The following SLCO1C1 variants were observed in gnomAD, a reference collection of about 807,000 sequenced individuals.
The protein encoded by SLCO1C1 is solute carrier organic anion transporter family member 1C1, also known as OAT-RP-5.
SLCO1C1 carries 70 observed loss-of-function variants against 76.4 expected under a neutral mutation model. The observed-to-expected ratio is 0.92, with a 90% confidence interval of 0.76 to 1.12. The LOEUF (loss-of-function observed/expected upper bound fraction) is 1.12, where lower values mean the gene tolerates loss of function less well. SLCO1C1 is among the 50% of genes most tolerant of loss of function. The pLI, the probability that SLCO1C1 is intolerant of heterozygous loss-of-function variation, is 0.00. For missense variants in SLCO1C1, 912 were observed against 823.8 expected, an observed-to-expected ratio of 1.11 and a Z score of -1.31; for synonymous variants, 306 against 286.1, an observed-to-expected ratio of 1.07 and a Z score of -0.70.
intron 3 of SLCO1C1, among the ~76,000 whole-genome samples, chr12:20,704,176 T>C (rs1946667940): frequency 6.6e-6 from 1 of 151,548 alleles, no homozygotes. Context: ...ATGTATCTCC[T>C]GACAACTCAG....
intron 7 of SLCO1C1, among the ~76,000 whole-genome samples, chr12:20,718,389 G>T (rs1158550940): frequency 2.0e-5 from 3 of 152,056 alleles, no homozygotes; most frequent in African/African-American, 7.2e-5. Flanking sequence ...ACACCCACTT[G>T]GTTTGATTCA....
intron 10 of SLCO1C1, among the ~76,000 whole-genome samples, chr12:20,736,276 T>C (rs1239590106): frequency 7.7e-6 from 1 of 130,676 alleles, no homozygotes. Context: ...CAAAAAAAAA[T>C]GAAGGAGAAA....
Position 20,723,120 on chromosome 12 carries a change from G to C in SLCO1C1, c.1052G>C (p.Gly351Ala), listed in dbSNP as rs199739451. 1.2e-6 allele frequency: 2 copies of C among 1,601,820 alleles called. No homozygotes were observed. Among genetic ancestry groups the C allele is most frequent in the Non-Finnish European group, 1.7e-6 (2 of 1,176,508 alleles). Residue 351 changes from glycine (G) to alanine (A), a missense_variant, in exon 9 of 15, where the codon GGA becomes GCA. Physicochemically the swap from Gly to Ala is moderately conservative, Grantham distance 60. Transcript: ENST00000266509. ...CTTCCATCACTGAAGAATCTTTTTG[G>C]AAACCCAGTATACTTCCTATATTTA... is the stretch of plus-strand genomic sequence containing the variant. ...DFLPSLKNLFGNPVYFLYLCT... is the reference protein window; with the variant it reads ...DFLPSLKNLFANPVYFLYLCT...
intron 9 of SLCO1C1, among the ~76,000 whole-genome samples, chr12:20,731,597 G>A (rs943575458): frequency 2.0e-5 from 3 of 152,202 alleles, no homozygotes; most frequent in South Asian, 4.2e-4. Flanking sequence ...TTTATTATTC[G>A]AAAGAGATGT....
intron 4 of SLCO1C1, 26 bp downstream of exon 4, chr12:20,706,107 C>G (rs369951135): frequency 7.8e-5 from 123 of 1,569,016 alleles, no homozygotes; most frequent in Admixed American, 1.1e-4. Context: ...TCATCTTTTC[C>G]TTGCCTTTCC....
chr12:20,700,271 G>A (rs1028543722), intron 2 of SLCO1C1: 12 of 151,772 alleles, frequency 7.9e-5, no homozygotes, highest in Admixed American at 6.6e-4. Flanking sequence ...CAGATGTGAA[G>A]TGATATGTCA....
At chr12:20,749,471 C>A (rs1299549984) in intron 13 of SLCO1C1, among the ~76,000 whole-genome samples, 1 of 152,108 alleles carries the variant, frequency 6.6e-6, no homozygotes, top group African/African-American at 2.4e-5. Flanking sequence ...CAGAAGTGTG[C>A]AAGTTTATAT....
chr12:20,732,617 C>T (rs935450112), intron 9 of SLCO1C1, among the ~76,000 whole-genome samples: 2 of 152,164 alleles, frequency 1.3e-5, no homozygotes, highest in Non-Finnish European at 1.5e-5. Context: ...TAATTGCTAC[C>T]TAATTGTACT....
At chr12:20,704,728 C>CAGAT (rs78690605) in intron 3 of SLCO1C1, among the ~76,000 whole-genome samples, 96,621 of 151,018 alleles carry the variant, frequency 0.64, 31,158 homozygotes, top group East Asian at 0.81. Flanking sequence ...TGATTGCTTA[C>CAGAT]AGATGTAGGG....
At chr12:20,743,204 T>G in intron 12 of SLCO1C1, 101 bp from the exon 13 acceptor site, 1 of 1,142,374 alleles carries the variant, frequency 8.8e-7, no homozygotes, top group Non-Finnish European at 1.3e-6. Flanking sequence ...GGCACTTGAA[T>G]TCTAACATGA....
At chr12:20,711,117 T>A (rs1947074932) in intron 4 of SLCO1C1, among the ~76,000 whole-genome samples, 1 of 152,160 alleles carries the variant, frequency 6.6e-6, no homozygotes, top group South Asian at 2.1e-4. Context: ...AGTTTATGAA[T>A]TTGTGTTGGG....
chr12:20,717,720 C>CATGTTACA (rs1410348950), intron 7 of SLCO1C1, among the ~76,000 whole-genome samples: 1 of 113,058 alleles, frequency 8.8e-6, no homozygotes, highest in Non-Finnish European at 1.7e-5. Flanking sequence ...TAGGTGGAAG[C>CATGTTACA]ATGTTACAGC....
intron 13 of SLCO1C1, among the ~76,000 whole-genome samples, chr12:20,745,553 G>A (rs911505601): frequency 7.9e-5 from 12 of 152,172 alleles, no homozygotes; most frequent in Admixed American, 3.3e-4. Flanking sequence ...GGCTGGGTGC[G>A]GTGGCTCATG....
intron 12 of SLCO1C1, among the ~76,000 whole-genome samples, chr12:20,741,726 G>C (rs993751385): frequency 3.2e-5 from 4 of 124,962 alleles, no homozygotes; most frequent in Non-Finnish European, 7.6e-5. Flanking sequence ...TTTGAAAATA[G>C]AAGTCTCAGT....
Position 20,750,062 on chromosome 12 carries a change from G to A in SLCO1C1, c.1799-613G>A, listed in dbSNP as rs139826472. 5.1e-3 allele frequency among the ~76,000 whole-genome samples: 771 copies of A among 152,282 alleles called. 5 individuals are homozygous for A. Among genetic ancestry groups the A allele is most frequent in the African/African-American group, 0.017 (691 of 41,560 alleles). On this transcript the variant is annotated intron_variant, in intron 13 of 14. Coordinates refer to ENST00000266509, the MANE Select transcript of SLCO1C1 (RefSeq NM_017435.5). ...TCTTGCCCAAAGTGAGGCCACAAAA[G>A]TAGAAAGACCCAATGTTCAGTTAAC...
In SLCO1C1 at chr12:20,749,513, A is replaced by G. The variant is rs372283625; in HGVS notation, c.1799-1162A>G. 1.7e-4 allele frequency among the ~76,000 whole-genome samples: 26 copies of G among 152,316 alleles called. No individual in the cohort carries two copies. The East Asian group carries it at 4.6e-3, about 27-fold the overall frequency. The stretch of plus-strand genomic sequence containing the variant: ...TCCTAGGTTTCAGCTATTGGCTACT[A>G]ACTAAAAAACAAAATCCCAAAGTCT... On this transcript the variant is annotated intron_variant, in intron 13 of 14. Coordinates refer to ENST00000266509, the MANE Select transcript of SLCO1C1 (RefSeq NM_017435.5).
chr12:20,721,246 TA>T (rs1352333353), intron 7 of SLCO1C1, among the ~76,000 whole-genome samples: 1 of 152,168 alleles, frequency 6.6e-6, no homozygotes, highest in Non-Finnish European at 1.5e-5. Context: ...TAGCATTGCA[TA>T]CTACAGAGAA....
At chr12:20,713,451 A>G (rs1371550524) in intron 5 of SLCO1C1, among the ~76,000 whole-genome samples, 1 of 152,240 alleles carries the variant, frequency 6.6e-6, no homozygotes, top group African/African-American at 2.4e-5. Context: ...GAAAGGTGAA[A>G]CATAGGGCTT....
chr12:20,698,263 C>A (rs1055015549), intron 1 of SLCO1C1, among the ~76,000 whole-genome samples: 2 of 150,790 alleles, frequency 1.3e-5, no homozygotes, highest in African/African-American at 4.9e-5. Flanking sequence ...TTAAATTTTT[C>A]TCTTTCACTC....
Sources: gnomAD v4.1 joint callset for allele counts (sites outside exome capture counted in the v4.1 genomes callset) on GRCh38, gnomAD v4.1.1 for gene constraint, MANE v1.5 for transcripts, NCBI Gene and HGNC (gene_info 2026-07-23, HGNC 2026-07-21) for gene names.